SOX6: variants seen among roughly 807,000 people sequenced by gnomAD.
SOX6 encodes the protein SRY-box transcription factor 6.
In SOX6, 11 loss-of-function variants were observed where a neutral mutation model predicts 97.8. The ratio of observed to expected loss-of-function variants is 0.11; its 90% CI spans 0.07 to 0.19. The LOEUF (loss-of-function observed/expected upper bound fraction) is 0.19. Among genes scored for constraint, SOX6 ranks in the 10% least tolerant of loss-of-function variants. The pLI is 1.00. For synonymous variants in SOX6, 360 were observed against 371.4 expected (o/e 0.97, Z 0.35); for missense variants, 810 against 1,039.5 (o/e 0.78, Z 3.04).
intron 1 of SOX6, among the ~76,000 whole-genome samples, chr11:16,362,781 C>T (rs2134379184): frequency 6.6e-6 from 1 of 152,210 alleles, no homozygotes; most frequent in South Asian, 2.1e-4. Flanking sequence ...GAATCAAGGT[C>T]AATAAGCACG....
chr11:16,244,753 T>C (rs1166779790), intron 3 of SOX6, among the ~76,000 whole-genome samples: 1 of 151,698 alleles, frequency 6.6e-6, no homozygotes, highest in African/African-American at 2.4e-5. Context: ...ATAGAGTGTG[T>C]ATGTGTGTGT....
intron 1 of SOX6, among the ~76,000 whole-genome samples, chr11:16,361,549 T>A (rs1857211484): frequency 6.6e-6 from 1 of 152,192 alleles, no homozygotes; most frequent in Non-Finnish European, 1.5e-5. Context: ...TTCTGTGATT[T>A]ATGAAGCATC....
rs1447381282 is a variant in SOX6 at position 15,969,149 on chromosome 11, C to T, written c.*3660G>A. 1 of 150,204 alleles carries T rather than the reference C, an allele frequency of 6.7e-6. No individual in the cohort carries two copies. Among genetic ancestry groups the T allele is most frequent in the Non-Finnish European group, 1.5e-5 (1 of 67,848 alleles). The allele number at this position is 150,204 out of a possible 1,614,324, so 9.3% of individuals were successfully genotyped here. A position where few individuals can be genotyped will look rare whatever the true frequency, so the allele number is the denominator to read the frequency against. On this transcript the variant is annotated 3_prime_UTR_variant, in exon 16 of 16. Transcript: ENST00000683767. ...TCTAAGTGACAAGGAGAACCCTGAC[C>T]CTGTAAGTTCTTTAACAAAATGGAG...
chr11:16,409,824 C>T (rs903128484), intron 1 of SOX6, among the ~76,000 whole-genome samples: 8 of 32,870 alleles, frequency 2.4e-4, no homozygotes, highest in East Asian at 4.9e-3. Context: ...TGTCTTTCCT[C>T]GGTTTAAAAA....
At chr11:16,090,130 T>C (rs1229261465) in intron 9 of SOX6, among the ~76,000 whole-genome samples, 1 of 152,132 alleles carries the variant, frequency 6.6e-6, no homozygotes, top group African/African-American at 2.4e-5. Flanking sequence ...TATGTAAATG[T>C]AATTACATGC....
chr11:16,670,966 C>G (rs1847844315), intron 3 of SOX6, among the ~76,000 whole-genome samples: 1 of 151,890 alleles, frequency 6.6e-6, no homozygotes, highest in Admixed American at 6.6e-5. Context: ...TAAGCAAGAG[C>G]CTACCAACTG....
chr11:16,467,183 G>A (rs544407432), intron 1 of SOX6, among the ~76,000 whole-genome samples: 42 of 152,234 alleles, frequency 2.8e-4, no homozygotes, highest in African/African-American at 7.5e-4. Flanking sequence ...CTTATACACC[G>A]TTTGGGGAGT....
At chr11:16,620,983 T>A (rs542448117) in intron 3 of SOX6, among the ~76,000 whole-genome samples, 1 of 152,342 alleles carries the variant, frequency 6.6e-6, no homozygotes, top group South Asian at 2.1e-4. Context: ...CTTTTATCAT[T>A]TGACAAATCT....
intron 3 of SOX6, among the ~76,000 whole-genome samples, chr11:16,654,837 A>T (rs966849034): frequency 1.3e-5 from 2 of 152,134 alleles, no homozygotes; most frequent in Non-Finnish European, 2.9e-5. Flanking sequence ...TTTTACTATG[A>T]TGAACCTGTT....
At chr11:16,677,551 A>G (rs1030543325) in intron 3 of SOX6, among the ~76,000 whole-genome samples, 1 of 152,208 alleles carries the variant, frequency 6.6e-6, no homozygotes, top group African/African-American at 2.4e-5. Context: ...ACGATTTTAC[A>G]TTCCTCAGAG....
chr11:16,187,582 A>T (rs2134107531), intron 4 of SOX6, among the ~76,000 whole-genome samples: 1 of 152,246 alleles, frequency 6.6e-6, no homozygotes, highest in South Asian at 2.1e-4. Context: ...AAAATTCCCA[A>T]GTTCATCTGT....
At chr11:16,198,230 CT>C (rs71455880) in intron 4 of SOX6, among the ~76,000 whole-genome samples, 1,602 of 48,360 alleles carry the variant, frequency 0.033, 20 homozygotes, top group African/African-American at 0.13. Context: ...ATTTTTTTTT[CT>C]TTTTTTTTTT....
chr11:16,578,536 C>T (rs1015353857), intron 4 of SOX6, among the ~76,000 whole-genome samples: 2 of 152,066 alleles, frequency 1.3e-5, no homozygotes, highest in Non-Finnish European at 2.9e-5. Context: ...GTTTATCCCA[C>T]TGTCAAGTTG....
Position 16,186,696 on chromosome 11 carries a change from A to G in SOX6, c.708+87T>C. On this transcript the variant is annotated intron_variant, in intron 5 of 15. Transcript: ENST00000683767. ...TTATTTTTATTTTTTAGGAAAGCTT[A>G]CAACAAATAAGCCAATCAATTTGAT... 8 of 1,425,688 alleles carry G rather than the reference A, an allele frequency of 5.6e-6. No individual in the cohort carries two copies. The South Asian group carries it at 9.5e-5, about 17-fold the overall frequency. 88.3% of individuals were successfully genotyped at this position (1,425,688 alleles called of 1,614,324 possible). A position where few individuals can be genotyped will look rare whatever the true frequency, so the allele number is the denominator to read the frequency against.
chr11:16,592,590 T>C (rs188410975), intron 4 of SOX6, among the ~76,000 whole-genome samples: 454 of 152,188 alleles, frequency 3.0e-3, no homozygotes, highest in Non-Finnish European at 4.1e-3. Flanking sequence ...TTACTAAATT[T>C]AATAAAATCA....
At chr11:16,621,239 A>C (rs1458403542) in intron 3 of SOX6, among the ~76,000 whole-genome samples, 1 of 152,170 alleles carries the variant, frequency 6.6e-6, no homozygotes, top group African/African-American at 2.4e-5. Flanking sequence ...GTCTGTATTT[A>C]TTTTCTAATG....
intron 3 of SOX6, among the ~76,000 whole-genome samples, chr11:16,661,958 C>T (rs1847769199): frequency 6.6e-6 from 1 of 152,206 alleles, no homozygotes; most frequent in South Asian, 2.1e-4. Flanking sequence ...TCCCCTGTAA[C>T]AGTGCTGTCA....
chr11:16,518,999 C>T (rs1861016022), intron 4 of SOX6, among the ~76,000 whole-genome samples: 1 of 152,006 alleles, frequency 6.6e-6, no homozygotes, highest in Admixed American at 6.6e-5. Flanking sequence ...CTGAGCAGAC[C>T]TCTCCTTTCT....
At chr11:16,196,787 C>T (rs1052316110) in intron 4 of SOX6, among the ~76,000 whole-genome samples, 13 of 151,782 alleles carry the variant, frequency 8.6e-5, no homozygotes, top group Non-Finnish European at 1.5e-4. Flanking sequence ...TTGGCTTCCC[C>T]AACAGACTGA....
Sources: allele counts gnomAD v4.1 joint callset (sites outside exome capture counted in the v4.1 genomes callset), GRCh38; gene constraint gnomAD v4.1.1; transcripts MANE v1.5; gene names NCBI Gene and HGNC (gene_info 2026-07-23, HGNC 2026-07-21).